Variants in TBC1D1 observed in about 807,000 individuals in gnomAD.
TBC1D1 encodes the protein TBC1 (tre-2/USP6, BUB2, cdc16) domain family, member 1.
Under a neutral mutation model 125.6 loss-of-function variants are expected in TBC1D1, and 89 were observed. The observed-to-expected ratio is 0.71, with a 90% CI of 0.60 to 0.85. The LOEUF (loss-of-function observed/expected upper bound fraction) is 0.85. Ranked by LOEUF, TBC1D1 falls within the 40% of genes least tolerant of loss-of-function variation. TBC1D1 has a pLI of 0.00. For missense variants in TBC1D1, 1,377 were observed against 1,469.2 expected (o/e 0.94, Z 1.03); for synonymous variants, 565 against 564.1 (o/e 1.00, Z -0.02).
intron 17 of TBC1D1, chr4:38,119,828 A>G (rs1013578521): frequency 2.6e-6 from 1 of 385,612 alleles, no homozygotes; most frequent in Admixed American, 6.4e-5. Context: ...GTTAGTGAAG[A>G]AAATTCTACC....
rs1764005399 is a variant in TBC1D1 at position 38,122,420 on chromosome 4, C to T, written c.2963-2542C>T. On this transcript the variant is annotated intron_variant, in intron 17 of 19. Coordinates refer to ENST00000261439, the MANE Select transcript of TBC1D1 (RefSeq NM_015173.4). ...ACCTTCTGCCCTGCACAACCAGTGC[C>T]CCTGCCTTGCCAGCCAGACTGTTTT... Among the ~76,000 whole-genome samples the T allele has an allele frequency of 1.3e-5, 2 of 149,806 alleles. 1 individual carries two copies. Among genetic ancestry groups the T allele is most frequent in the Non-Finnish European group, 2.9e-5 (2 of 67,994 alleles).
At chr4:37,998,054 C>T (rs1474765914) in intron 2 of TBC1D1, among the ~76,000 whole-genome samples, 1 of 152,164 alleles carries the variant, frequency 6.6e-6, no homozygotes, top group African/African-American at 2.4e-5. Context: ...GTCCTCAGCC[C>T]TCATCTGTCA....
chr4:38,116,576 G>A (rs1206810071), intron 16 of TBC1D1, among the ~76,000 whole-genome samples: 1 of 152,196 alleles, frequency 6.6e-6, no homozygotes, highest in African/African-American at 2.4e-5. Flanking sequence ...AGAGGGAAGG[G>A]ATCTTACGGG....
At chr4:38,076,721 T>C (rs910187330) in intron 12 of TBC1D1, among the ~76,000 whole-genome samples, 1 of 152,102 alleles carries the variant, frequency 6.6e-6, no homozygotes, top group African/African-American at 2.4e-5. Context: ...ACTTTTTTTT[T>C]CCTTAGATAA....
chr4:37,941,429 T>A (rs1725544003), intron 2 of TBC1D1, among the ~76,000 whole-genome samples: 1 of 152,206 alleles, frequency 6.6e-6, no homozygotes, highest in African/African-American at 2.4e-5. Flanking sequence ...TCTTTATTAG[T>A]CTTGCTAGCG....
At chr4:37,975,265 G>A (rs1732836455) in intron 2 of TBC1D1, among the ~76,000 whole-genome samples, 1 of 152,112 alleles carries the variant, frequency 6.6e-6, no homozygotes, top group South Asian at 2.1e-4. Flanking sequence ...GAAAGAGAGA[G>A]ACAGCTTACA....
At chr4:37,969,867 A>G (rs1053668503) in intron 2 of TBC1D1, among the ~76,000 whole-genome samples, 16 of 152,352 alleles carry the variant, frequency 1.1e-4, no homozygotes, top group East Asian at 7.7e-4. Context: ...TCATCACTGC[A>G]AAAAGAAACC....
Position 38,138,470 on chromosome 4 carries a change from A to G in TBC1D1, c.*1135A>G, listed in dbSNP as rs1766966652. The G allele has an allele frequency of 6.6e-6, 1 of 152,406 alleles. No individual in the cohort carries two copies. Among genetic ancestry groups the G allele is most frequent in the Non-Finnish European group, 1.5e-5 (1 of 68,024 alleles). 9.4% of individuals were successfully genotyped at this position (152,406 alleles called of 1,614,324 possible). ...AGAGTCTGGGACTTTCAAAAAAAAA[A>G]GATCAGGCTGAAACTGCAGTCAGAT... On this transcript the variant is annotated 3_prime_UTR_variant, in exon 20 of 20. Coordinates refer to ENST00000261439, the MANE Select transcript of TBC1D1 (RefSeq NM_015173.4).
intron 11 of TBC1D1, among the ~76,000 whole-genome samples, chr4:38,052,724 GCGCGCACACACACACACA>G (rs1750928502): frequency 1.7e-5 from 1 of 59,962 alleles, no homozygotes; most frequent in Non-Finnish European, 3.6e-5. Flanking sequence ...GCGCGCGCGC[GCGCGCACACACACACACA>G]CACACACACA....
At chr4:38,062,221 G>A (rs10030925) in intron 12 of TBC1D1, among the ~76,000 whole-genome samples, 7,271 of 151,678 alleles carry the variant, frequency 0.048, 489 homozygotes, top group African/African-American at 0.15. Context: ...GTTGCTCCCC[G>A]CATCTTGATT....
chr4:38,088,306 C>T (rs1757883734), intron 12 of TBC1D1, among the ~76,000 whole-genome samples: 1 of 152,160 alleles, frequency 6.6e-6, no homozygotes, highest in South Asian at 2.1e-4. Flanking sequence ...AAGTGTTTTG[C>T]AGGAAAATAT....
intron 2 of TBC1D1, among the ~76,000 whole-genome samples, chr4:37,970,558 A>C (rs1731825198): frequency 6.6e-6 from 1 of 152,166 alleles, no homozygotes; most frequent in Non-Finnish European, 1.5e-5. Flanking sequence ...TTGCAGCCTG[A>C]AGTTATTTTC....
chr4:37,950,081 C>A (rs1204106305), intron 2 of TBC1D1, among the ~76,000 whole-genome samples: 1 of 152,148 alleles, frequency 6.6e-6, no homozygotes, highest in African/African-American at 2.4e-5. Flanking sequence ...GTCCCAAATT[C>A]CTTCTCTCAG....
chr4:38,032,343 C>T (rs961876890), intron 7 of TBC1D1, among the ~76,000 whole-genome samples: 5 of 152,008 alleles, frequency 3.3e-5, no homozygotes, highest in African/African-American at 1.2e-4. Flanking sequence ...AGAAATGGGG[C>T]ATTTCCATTG....
intron 2 of TBC1D1, chr4:37,960,449 C>T (rs550667586): frequency 5.6e-6 from 9 of 1,613,420 alleles, no homozygotes; most frequent in Non-Finnish European, 6.8e-6. Flanking sequence ...CTACTCTGAT[C>T]TACGTTGATA....
chr4:38,002,236 A>G (rs1033669875), intron 2 of TBC1D1, among the ~76,000 whole-genome samples: 1 of 152,230 alleles, frequency 6.6e-6, no homozygotes, highest in African/African-American at 2.4e-5. Flanking sequence ...CCCACCATAA[A>G]AAAGAAAGGG....
intron 2 of TBC1D1, among the ~76,000 whole-genome samples, chr4:37,969,774 C>CATTTTGGTATTTAGTAAATCCACAA (rs1731703730): frequency 1.3e-5 from 2 of 152,224 alleles, no homozygotes; most frequent in African/African-American, 4.8e-5. Flanking sequence ...CATTCTGTAA[C>CATTTTGGTATTTAGTAAATCCACAA]ATTTTGGTAT....
Position 38,133,168 on chromosome 4 carries a change from C to T in TBC1D1, c.3217C>T (p.Pro1073Ser), listed in dbSNP as rs770272090. 5.6e-6 allele frequency: 9 copies of T among 1,614,140 alleles called. No homozygotes were observed. The highest frequency in any genetic ancestry group is 7.6e-6 in the Non-Finnish European group (9 of 1,179,954). ...TCAAGAAGAACTTATCGATTCCTCT[C>T]CTCTCAGTGACAACCAAAGAATGGA... is the stretch of plus-strand genomic sequence containing the variant. Residue 1073 changes from proline (P) to serine (S), a missense_variant, in exon 19 of 20, where the codon CCT (proline) becomes TCT (serine). By Grantham distance (74) the Pro-to-Ser change is moderately conservative. Transcript: ENST00000261439.
intron 12 of TBC1D1, among the ~76,000 whole-genome samples, chr4:38,058,376 C>G (rs1752135580): frequency 6.6e-6 from 1 of 152,190 alleles, no homozygotes. Context: ...TCTGAGGTTT[C>G]TTTCCCCAGA....
Sources: gnomAD v4.1 joint callset for allele counts (sites outside exome capture counted in the v4.1 genomes callset) on GRCh38, gnomAD v4.1.1 for gene constraint, MANE v1.5 for transcripts, NCBI Gene and HGNC (gene_info 2026-07-23, HGNC 2026-07-21) for gene names.